RAPGEF5: variants seen among roughly 807,000 people sequenced by gnomAD.
The protein encoded by RAPGEF5 is Rap guanine nucleotide exchange factor 5.
Under a neutral mutation model 125.2 loss-of-function variants are expected in RAPGEF5, and 65 were observed. That is an observed-to-expected ratio of 0.52 (90% CI 0.43 to 0.64). RAPGEF5 has a LOEUF of 0.64. Among genes scored for constraint, RAPGEF5 ranks in the 30% least tolerant of loss-of-function variants. The pLI is 0.00. For missense variants in RAPGEF5, 958 were observed against 1,048.1 expected (o/e 0.91, Z 1.19); for synonymous variants, 391 against 385.9 (o/e 1.01, Z -0.16).
intron 6 of RAPGEF5, among the ~76,000 whole-genome samples, chr7:22,272,665 T>C (rs1782463761): frequency 6.6e-6 from 1 of 152,234 alleles, no homozygotes; most frequent in African/African-American, 2.4e-5. Flanking sequence ...TATACAACTT[T>C]TAAGCCATTA....
intron 6 of RAPGEF5, among the ~76,000 whole-genome samples, chr7:22,280,756 C>T (rs1262140553): frequency 6.6e-6 from 1 of 152,140 alleles, no homozygotes; most frequent in Non-Finnish European, 1.5e-5. Context: ...TTAACTTTAT[C>T]CCCTTTTCCT....
Position 22,119,752 on chromosome 7 carries a change from A to C in RAPGEF5, c.*2654T>G, listed in dbSNP as rs556587923. Reference sequence around the variant, plus strand: ...TGAGCGAAGATTTTATGCAATAATAAAACTCCAAATGAGAGCTGGCAAAGA... The same window carrying C: ...TGAGCGAAGATTTTATGCAATAATACAACTCCAAATGAGAGCTGGCAAAGA... On this transcript the variant is annotated 3_prime_UTR_variant, in exon 26 of 26. Transcript: ENST00000665637. This position sits in a 1 kb window ranked among gnomAD's most constrained non-coding sequence, Gnocchi z 4.1. 4 of 152,334 alleles carry C rather than the reference A, an allele frequency of 2.6e-5. No homozygotes were observed. Among genetic ancestry groups the C allele is most frequent in the South Asian group, 2.1e-4 (1 of 4,826 alleles). 9.4% of individuals were successfully genotyped at this position (152,334 alleles called of 1,614,324 possible).
intron 11 of RAPGEF5, among the ~76,000 whole-genome samples, chr7:22,169,552 A>G (rs1395234958): frequency 4.6e-5 from 7 of 152,002 alleles, no homozygotes; most frequent in Admixed American, 2.6e-4. Context: ...TTCAGGTCTG[A>G]TTAGAAATTA....
At chr7:22,294,454 T>G (rs1783005940) in intron 5 of RAPGEF5, among the ~76,000 whole-genome samples, 1 of 152,146 alleles carries the variant, frequency 6.6e-6, no homozygotes, top group African/African-American at 2.4e-5. Flanking sequence ...CTGCAATATC[T>G]AAGGGTGTCA....
chr7:22,170,373 C>A (rs1488382984), intron 11 of RAPGEF5, among the ~76,000 whole-genome samples: 1 of 152,150 alleles, frequency 6.6e-6, no homozygotes, highest in African/African-American at 2.4e-5. Flanking sequence ...AGCTTTGAAT[C>A]TAGTTTAGGG....
chr7:22,128,675 T>G (rs955180965), intron 24 of RAPGEF5, among the ~76,000 whole-genome samples: 2 of 152,154 alleles, frequency 1.3e-5, no homozygotes, highest in Non-Finnish European at 2.9e-5. Context: ...CACAGTTTTA[T>G]CCTGTCTACT....
rs58546967 is a variant in RAPGEF5 at position 22,329,231 on chromosome 7, C to G, written c.232-11194G>C. 8.9e-3 allele frequency among the ~76,000 whole-genome samples: 1,358 copies of G among 152,296 alleles called. 14 individuals carry two copies. The highest frequency in any genetic ancestry group is 0.031 in the African/African-American group (1,303 of 41,570). Reference sequence around the variant, plus strand: ...AAACTTAATTTCTTCTTTTATTCAGCTAAGCTAGAGTAAATCACAACCCTA... The same window carrying G: ...AAACTTAATTTCTTCTTTTATTCAGGTAAGCTAGAGTAAATCACAACCCTA... On this transcript the variant is annotated intron_variant, in intron 1 of 25. Transcript: ENST00000665637.
chr7:22,269,234 C>T (rs1482328461), intron 6 of RAPGEF5, among the ~76,000 whole-genome samples: 3 of 148,884 alleles, frequency 2.0e-5, no homozygotes, highest in South Asian at 2.1e-4. Context: ...TCCTACAAGA[C>T]GCAAAGGGGA....
Position 22,312,829 on chromosome 7 carries a change from C to G in RAPGEF5, c.389+2541G>C, listed in dbSNP as rs1783504621. 2.0e-5 allele frequency among the ~76,000 whole-genome samples: 3 copies of G among 152,200 alleles called. No homozygotes were observed. The South Asian group carries it at 6.2e-4, about 31-fold the overall frequency. ...TAAAAGTAAACACTATCATTAATATCACCAAAGCATACAAAATGAGGTGGT... is the reference window on the plus strand; with the variant it reads ...TAAAAGTAAACACTATCATTAATATGACCAAAGCATACAAAATGAGGTGGT... On this transcript the variant is annotated intron_variant, in intron 3 of 25. Coordinates refer to ENST00000665637, the MANE Select transcript of RAPGEF5 (RefSeq NM_012294.5).
chr7:22,291,067 C>G lies in RAPGEF5; in HGVS notation c.747+108G>C, dbSNP rs114820189. The stretch of plus-strand genomic sequence containing the variant: ...GCCTCATACCTCCCACAATGATGAG[C>G]AGCCACAGGGAAAATGTCTCTCTAC... On this transcript the variant is annotated intron_variant, in intron 6 of 25. Coordinates refer to ENST00000665637, the MANE Select transcript of RAPGEF5 (RefSeq NM_012294.5). 1.7e-3 allele frequency: 2,159 copies of G among 1,259,194 alleles called. 44 individuals carry two copies. In the African/African-American group the frequency reaches 0.03, roughly 17 times the overall value. 78.0% of individuals were successfully genotyped at this position (1,259,194 alleles called of 1,614,324 possible).
chr7:22,279,764 A>C (rs1782633270), intron 6 of RAPGEF5, among the ~76,000 whole-genome samples: 1 of 152,244 alleles, frequency 6.6e-6, no homozygotes, highest in African/African-American at 2.4e-5. Flanking sequence ...AATATTATAC[A>C]TACGTACAGA....
Position 22,315,387 on chromosome 7 carries a change from G to T in RAPGEF5, c.372C>A (p.Asn124Lys), listed in dbSNP as rs890687265. Residue 124 changes from asparagine to lysine, a missense_variant, in exon 3 of 26, where the codon AAC (asparagine) becomes AAA (lysine). Transcript: ENST00000665637. ...TGTGTTACCTGTAAAACCCCTTGAG[G>T]TTCACTCTGTCCTTTATCAGGTCAG... ...QAADLIKDRV[N>K]LKGFYRRSCV... is the part of the protein sequence containing the mutation. 6.5e-7 allele frequency: 1 copy of T among 1,540,866 alleles called. No individual in the cohort carries two copies. Among genetic ancestry groups the T allele is most frequent in the African/African-American group, 1.4e-5 (1 of 72,012 alleles).
Position 22,145,159 on chromosome 7 carries a change from G to C in RAPGEF5, c.2071C>G (p.Leu691Val). Residue 691 changes from leucine to valine, a missense_variant, in exon 20 of 26, where the codon CTT becomes GTT. By Grantham distance (32) the Leu-to-Val change is conservative. Coordinates refer to ENST00000665637, the MANE Select transcript of RAPGEF5 (RefSeq NM_012294.5). Reference sequence around the variant, plus strand: ...ACCTCATTGCATCTCTGGAGCAGAAGGCTGAGATTTGCAGTGTGTTCCCCA... The same window carrying C: ...ACCTCATTGCATCTCTGGAGCAGAACGCTGAGATTTGCAGTGTGTTCCCCA... ...GSGEHTANLSLLLQRCNEVQL... is the reference protein window; with the variant it reads ...GSGEHTANLSVLLQRCNEVQL... The C allele has an allele frequency of 6.2e-7, 1 of 1,613,640 alleles. No homozygotes were observed. The highest frequency in any genetic ancestry group is 8.5e-7 in the Non-Finnish European group (1 of 1,179,732).
intron 7 of RAPGEF5, among the ~76,000 whole-genome samples, chr7:22,239,237 A>C (rs1198854839): frequency 1.3e-5 from 2 of 152,206 alleles, no homozygotes; most frequent in Non-Finnish European, 2.9e-5. Flanking sequence ...GTAATGACTT[A>C]CACAATTTTA....
At chr7:22,297,985 T>C (rs1246972398) in intron 5 of RAPGEF5, among the ~76,000 whole-genome samples, 2 of 152,180 alleles carry the variant, frequency 1.3e-5, no homozygotes, top group Admixed American at 6.5e-5. Flanking sequence ...TAATTCTTTG[T>C]CTGCATCTAT....
chr7:22,122,472 G>C lies in RAPGEF5; in HGVS notation c.2586C>G (p.His862Gln), dbSNP rs764291878. ...CCTGCTGGCTGTCAATGACATACAGGTGATTAACATAGGACTTTAACTCTT... is the reference window on the plus strand; with the variant it reads ...CCTGCTGGCTGTCAATGACATACAGCTGATTAACATAGGACTTTAACTCTT... ...EHQELKSYVN[H>Q]LYVIDSQQAL... Residue 862 changes from histidine to glutamine, a missense_variant, in exon 26 of 26, where the codon CAC becomes CAG. Coordinates refer to ENST00000665637, the MANE Select transcript of RAPGEF5 (RefSeq NM_012294.5). The C allele has an allele frequency of 6.2e-7, 1 of 1,613,928 alleles. No homozygotes were observed. The highest frequency in any genetic ancestry group is 1.1e-5 in the South Asian group (1 of 91,072).
At chr7:22,220,773 C>A (rs948002086) in intron 8 of RAPGEF5, among the ~76,000 whole-genome samples, 3 of 151,612 alleles carry the variant, frequency 2.0e-5, no homozygotes, top group African/African-American at 4.8e-5. Context: ...TGCTCAAATT[C>A]TTTCCAAAAT....
intron 6 of RAPGEF5, among the ~76,000 whole-genome samples, chr7:22,271,459 A>G (rs1444163426): frequency 6.6e-6 from 1 of 152,242 alleles, no homozygotes; most frequent in African/African-American, 2.4e-5. Flanking sequence ...AAATTATGCT[A>G]TAATCCAATC....
At position 22,139,110 on chromosome 7, in the gene RAPGEF5, A is replaced by C. The variant is rs140986061; in HGVS notation, c.2277+915T>G. ...GAATCCACAGGTTGCCCAGAGACCT[A>C]TTCCGAGAAAAAGATAGCTGGCCTA... is the stretch of plus-strand genomic sequence containing the variant. On this transcript the variant is annotated intron_variant, in intron 21 of 25. Transcript: ENST00000665637. 4.1e-3 allele frequency among the ~76,000 whole-genome samples: 622 copies of C among 152,312 alleles called. 5 individuals carry two copies. The highest frequency in any genetic ancestry group is 9.5e-3 in the Admixed American group (146 of 15,300).
Sources: gnomAD v4.1 joint callset for allele counts (sites outside exome capture counted in the v4.1 genomes callset) on GRCh38, gnomAD v4.1.1 for gene constraint, Gnocchi (gnomAD v3.1) non-coding constraint, MANE v1.5 for transcripts, NCBI Gene and HGNC (gene_info 2026-07-23, HGNC 2026-07-21) for gene names.